Variants in GALNT13 observed in about 807,000 individuals in gnomAD.
GALNT13 encodes the protein UDP-GalNAc:polypeptide N-acetylgalactosaminyltransferase 13.
GALNT13 carries 28 observed loss-of-function variants against 64.2 expected under a neutral mutation model. That is an observed-to-expected ratio of 0.44 (90% CI 0.32 to 0.60). The LOEUF (loss-of-function observed/expected upper bound fraction) is 0.60, where lower values mean the gene tolerates loss of function less well. GALNT13 is among the 20% of genes least tolerant of loss of function. The probability of loss-of-function intolerance (pLI) is 0.05; values close to 1 mark genes in which losing one functional copy is unlikely to be tolerated. For missense variants in GALNT13, 577 were observed against 669.8 expected (o/e 0.86, Z 1.53); for synonymous variants, 214 against 224.6 (o/e 0.95, Z 0.42).
At chr2:153,673,912 GACAA>G in the GALNT13 span, among the ~76,000 whole-genome samples, 1 of 152,092 alleles carries the variant, frequency 6.6e-6, no homozygotes, top group African/African-American at 2.4e-5. Context: ...ACCAGTAACA[GACAA>G]ACAGAGCCAA....
chr2:154,157,819 A>G (rs1247278561), intron 4 of GALNT13, among the ~76,000 whole-genome samples: 1 of 152,112 alleles, frequency 6.6e-6, no homozygotes, highest in Admixed American at 6.6e-5. Flanking sequence ...CAGTTCTCAT[A>G]TTGACTTGCC....
the GALNT13 span, among the ~76,000 whole-genome samples, chr2:153,498,993 G>A: frequency 1.5e-4 from 23 of 152,070 alleles, no homozygotes; most frequent in Admixed American, 1.4e-3. Context: ...GACCACAGGC[G>A]CCCGCCACCA....
At chr2:153,331,163 A>T in the GALNT13 span, among the ~76,000 whole-genome samples, 1 of 151,974 alleles carries the variant, frequency 6.6e-6, no homozygotes, top group African/African-American at 2.4e-5. Flanking sequence ...ATTGCTGTTA[A>T]ATTCAGTTTG....
At chr2:153,886,791 T>C (rs1207833990) in intron 1 of GALNT13, among the ~76,000 whole-genome samples, 1 of 152,034 alleles carries the variant, frequency 6.6e-6, no homozygotes. Flanking sequence ...TCCATTAAGT[T>C]ACATATTAAA....
chr2:153,754,361 G>A, the GALNT13 span, among the ~76,000 whole-genome samples: 17 of 151,310 alleles, frequency 1.1e-4, no homozygotes, highest in African/African-American at 3.9e-4. Flanking sequence ...TGGGTATATT[G>A]TTGGTTATTC....
At chr2:153,772,799 G>T in the GALNT13 span, among the ~76,000 whole-genome samples, 47 of 152,262 alleles carry the variant, frequency 3.1e-4, no homozygotes, top group African/African-American at 1.1e-3. Flanking sequence ...GCAGAGATAG[G>T]CCTTGCCTAT....
the GALNT13 span, among the ~76,000 whole-genome samples, chr2:153,160,550 T>G: frequency 6.6e-6 from 1 of 152,170 alleles, no homozygotes; most frequent in African/African-American, 2.4e-5. Flanking sequence ...GCTGATTGAA[T>G]GTAGGTCATG....
chr2:154,119,768 T>A (rs1282061096), intron 3 of GALNT13, among the ~76,000 whole-genome samples: 1 of 152,196 alleles, frequency 6.6e-6, no homozygotes, highest in African/African-American at 2.4e-5. Context: ...AGGATTCCTA[T>A]CTGATTCTTT....
At chr2:153,257,248 G>A in the GALNT13 span, among the ~76,000 whole-genome samples, 3 of 152,106 alleles carry the variant, frequency 2.0e-5, no homozygotes, top group African/African-American at 4.8e-5. Context: ...TGTTTGACTA[G>A]GAAAGGGAAC....
At chr2:153,408,410 C>T in the GALNT13 span, among the ~76,000 whole-genome samples, 3 of 151,914 alleles carry the variant, frequency 2.0e-5, no homozygotes, top group East Asian at 5.8e-4. Flanking sequence ...TAAGCAAAAC[C>T]CACGAAGAAG....
chr2:153,851,273 C>A, the GALNT13 span, among the ~76,000 whole-genome samples: 4 of 152,088 alleles, frequency 2.6e-5, no homozygotes, highest in South Asian at 2.1e-4. Context: ...TTAAAACAGT[C>A]ATTTTTGAAT....
At chr2:153,304,743 C>T in the GALNT13 span, among the ~76,000 whole-genome samples, 1 of 152,146 alleles carries the variant, frequency 6.6e-6, no homozygotes, top group Middle Eastern at 3.2e-3. Context: ...ATAAAATGGG[C>T]ATGGGCACAG....
At chr2:154,430,222 A>C (rs972002734) in intron 11 of GALNT13, among the ~76,000 whole-genome samples, 5 of 152,194 alleles carry the variant, frequency 3.3e-5, no homozygotes, top group African/African-American at 9.6e-5. Context: ...GGGCAAAGTA[A>C]ATTGAAAACT....
the GALNT13 span, among the ~76,000 whole-genome samples, chr2:153,790,550 G>C: frequency 8.5e-5 from 13 of 152,260 alleles, no homozygotes; most frequent in South Asian, 2.5e-3. Flanking sequence ...ACAAGACATG[G>C]ATGCCATCTC....
At chr2:153,489,346 A>G in the GALNT13 span, among the ~76,000 whole-genome samples, 8 of 152,212 alleles carry the variant, frequency 5.3e-5, no homozygotes, top group Admixed American at 6.5e-5. Context: ...TTTGTTCTTT[A>G]TATATTACCC....
At chr2:153,595,660 T>A in the GALNT13 span, among the ~76,000 whole-genome samples, 1 of 152,098 alleles carries the variant, frequency 6.6e-6, no homozygotes, top group Non-Finnish European at 1.5e-5. Context: ...ATGAGCTAGA[T>A]GCTTTAAAAA....
At chr2:153,816,015 T>C in the GALNT13 span, among the ~76,000 whole-genome samples, 1 of 152,216 alleles carries the variant, frequency 6.6e-6, no homozygotes, top group Non-Finnish European at 1.5e-5. Context: ...GTATGCTTGA[T>C]GGAGGGTCAT....
Position 154,416,152 on chromosome 2 carries a change from G to T in GALNT13, c.1395+7070G>T, listed in dbSNP as rs925159933. On this transcript the variant is annotated intron_variant, in intron 11 of 12. Coordinates refer to ENST00000392825, the MANE Select transcript of GALNT13 (RefSeq NM_052917.4). ...CCTGTCAGGAGATTATACTATACTT[G>T]GGATGGAATGCTGTCTTAGTCTATC... is the stretch of plus-strand genomic sequence containing the variant. 2.0e-5 allele frequency among the ~76,000 whole-genome samples: 3 copies of T among 152,010 alleles called. No homozygotes were observed. In the East Asian group the frequency reaches 5.8e-4, roughly 29 times the overall value.
At chr2:154,240,494 G>T (rs1252306854) in intron 4 of GALNT13, among the ~76,000 whole-genome samples, 1 of 152,174 alleles carries the variant, frequency 6.6e-6, no homozygotes, top group Non-Finnish European at 1.5e-5. Flanking sequence ...TAAATCTCCA[G>T]GTGATGCTGA....
Sources: gnomAD v4.1 joint callset for allele counts (sites outside exome capture counted in the v4.1 genomes callset) on GRCh38, gnomAD v4.1.1 for gene constraint, MANE v1.5 for transcripts, NCBI Gene and HGNC (gene_info 2026-07-23, HGNC 2026-07-21) for gene names.